The following PLK4 variants were observed in gnomAD, a reference collection of about 807,000 sequenced individuals.
PLK4 encodes serine/threonine-protein kinase PLK4.
In PLK4, 51 loss-of-function variants were observed where a neutral mutation model predicts 103.0. The ratio of observed to expected loss-of-function variants is 0.50; its 90% CI spans 0.40 to 0.63. The LOEUF (loss-of-function observed/expected upper bound fraction) is 0.63, where lower values mean the gene tolerates loss of function less well. Among genes scored for constraint, PLK4 ranks in the 20% least tolerant of loss-of-function variants. PLK4 has a pLI of 0.00. For synonymous variants in PLK4, 389 were observed against 376.8 expected, an observed-to-expected ratio of 1.03 and a Z score of -0.38; for missense variants, 1,054 against 1,151.0, an observed-to-expected ratio of 0.92 and a Z score of 1.22.
At position 127,892,471 on chromosome 4, in the gene PLK4, G is replaced by A; in HGVS notation, c.2145G>A (p.Met715Ile). Residue 715 changes from methionine (M) to isoleucine (I), a missense_variant, in exon 10 of 16, where the codon ATG (methionine) becomes ATA (isoleucine). Around this residue, in one of 4 missense-constraint regions of PLK4, gnomAD observed 680 missense variants for 660.3 expected, o/e 1.03. Transcript: ENST00000270861. ...CAAGATATGCTAAATGCATTTTGAT[G>A]GAGAATTCTCCTGGTGCTGATTTTG... ...YFTRYAKCIL[M>I]ENSPGADFEV... is the part of the protein sequence containing the mutation. 1.2e-6 allele frequency: 2 copies of A among 1,600,352 alleles called. No homozygotes were observed. Among genetic ancestry groups the A allele is most frequent in the African/African-American group, 1.4e-5 (1 of 73,696 alleles).
At chr4:127,889,331 A>C (rs1578759563) in intron 6 of PLK4, among the ~76,000 whole-genome samples, 1 of 152,176 alleles carries the variant, frequency 6.6e-6, no homozygotes, top group East Asian at 1.9e-4. Context: ...TTTTTAAAAA[A>C]TGCTGGTGCA....
chr4:127,882,535 G>A (rs1378827043), intron 2 of PLK4, among the ~76,000 whole-genome samples: 2 of 152,128 alleles, frequency 1.3e-5, no homozygotes, highest in Non-Finnish European at 1.5e-5. Flanking sequence ...CGAGGCGGGT[G>A]GATCACCTGA....
chr4:127,886,828 G>A, intron 5 of PLK4, 100 bp downstream of exon 5: 1 of 651,738 alleles, frequency 1.5e-6, no homozygotes, highest in Non-Finnish European at 2.5e-6. Context: ...GGAAATGAAT[G>A]TCTAAAAAAA....
intron 14 of PLK4, among the ~76,000 whole-genome samples, chr4:127,895,441 A>T (rs1735525672): frequency 7.5e-6 from 1 of 133,632 alleles, no homozygotes; most frequent in African/African-American, 2.9e-5. Context: ...CAATATTAGT[A>T]GAGTAACTTT....
intron 1 of PLK4, 35 bp downstream of exon 1, chr4:127,881,199 G>T (rs773939014): frequency 1.2e-6 from 2 of 1,613,626 alleles, no homozygotes; most frequent in East Asian, 2.2e-5. Flanking sequence ...CGGGGCGGGT[G>T]GGAGTAATTG....
In PLK4 at chr4:127,891,698, GGGAA is replaced by G; in HGVS notation, c.2038+18_2038+21del. On this transcript the variant is annotated intron_variant, in intron 9 of 15. Transcript: ENST00000270861. The stretch of plus-strand genomic sequence containing the variant: ...ATTTACCAGGTATGTGAATTTACCA[GGGAA>G]TAAATTTTGATAGTAGATTTATATG... 3 of 1,078,810 alleles carry G rather than the reference GGGAA, an allele frequency of 2.8e-6. No individual in the cohort carries two copies. Among genetic ancestry groups the G allele is most frequent in the Non-Finnish European group, 4.0e-6 (3 of 757,472 alleles). 66.8% of individuals were successfully genotyped at this position (1,078,810 alleles called of 1,614,324 possible).
Position 127,886,435 on chromosome 4 carries a change from T to C in PLK4, c.1065T>C (p.Ser355=), listed in dbSNP as rs781557540. Residue 355 remains serine (S), a synonymous_variant, in exon 5 of 16, where the codon AGT becomes AGC. Transcript: ENST00000270861. The stretch of plus-strand genomic sequence containing the variant: ...GGGGAAATCAAGAAACCAGTAATAG[T>C]GGAAGGGGAAGAGTAATTCAAGATG... ...TQWGNQETSN[S]GRGRVIQDAE... The C allele has an allele frequency of 6.2e-7, 1 of 1,613,888 alleles. No individual in the cohort carries two copies.
Position 127,890,063 on chromosome 4 carries a change from C to A in PLK4, c.1657C>A (p.Pro553Thr). The change falls in exon 7 of 16, where the codon CCT (proline) becomes ACT (threonine). Residue 553 changes from proline to threonine, a missense_variant. Coordinates refer to ENST00000270861, the MANE Select transcript of PLK4 (RefSeq NM_014264.5). ...MKYMTALHSKPEIIQQECVFG... is the reference protein window; with the variant it reads ...MKYMTALHSKTEIIQQECVFG... ...ATATATGACTGCACTTCACAGTAAA[C>A]CTGAGATAATCCAACAAGAATGTGT... is the stretch of plus-strand genomic sequence containing the variant. 1 of 1,613,924 alleles carries A rather than the reference C, an allele frequency of 6.2e-7. No homozygotes were observed. The highest frequency in any genetic ancestry group is 2.2e-5 in the East Asian group (1 of 44,880).
At chr4:127,892,597 ACAGT>A (rs905193581) in intron 10 of PLK4, 83 bp downstream of exon 10, 77 of 1,072,380 alleles carry the variant, frequency 7.2e-5, no homozygotes, top group East Asian at 4.3e-4. Flanking sequence ...AAAATTCAAC[ACAGT>A]CAGTTTTAAA....
At chr4:127,888,177 CAAAAAAAAAAAAAA>C (rs58491426) in intron 6 of PLK4, among the ~76,000 whole-genome samples, 149 of 33,214 alleles carry the variant, frequency 4.5e-3, no homozygotes, top group East Asian at 0.023. Context: ...TAGACTGTCT[CAAAAAAAAAAAAAA>C]AAAAAAAAAA....
Position 127,893,721 on chromosome 4 carries a change from T to A in PLK4, c.2415-13T>A. The A allele has an allele frequency of 1.2e-6, 2 of 1,604,184 alleles. No individual in the cohort carries two copies. The highest frequency in any genetic ancestry group is 1.7e-6 in the Non-Finnish European group (2 of 1,173,766). ...AAGCTTCAAGGGAATATATTTGGAC[T>A]TTTCCCCTTCAGAAAACCTGGTAGT... On this transcript the variant is annotated splice_polypyrimidine_tract_variant and intron_variant, in intron 12 of 15. Transcript: ENST00000270861.
In PLK4 at chr4:127,898,766, AC is replaced by A; in HGVS notation, c.*227del. On this transcript the variant is annotated 3_prime_UTR_variant, in exon 16 of 16. Transcript: ENST00000270861. ...ATAGAACACCTGACTTTGCTCTTAG[AC>A]CATAACCCCCGAACTTACTATGTTC... 1 of 388,494 alleles carries A rather than the reference AC, an allele frequency of 2.6e-6. No homozygotes were observed. The highest frequency in any genetic ancestry group is 2.1e-5 in the African/African-American group (1 of 48,212). The allele number at this position is 388,494 out of a possible 1,614,324, so 24.1% of individuals were successfully genotyped here.
chr4:127,881,356 G>A (rs1461674078), intron 1 of PLK4, 192 bp downstream of exon 1: 1 of 1,444,584 alleles, frequency 6.9e-7, no homozygotes, highest in Non-Finnish European at 9.1e-7. Context: ...GACAAGAGTA[G>A]GGAAGGCGGG....
intron 4 of PLK4, 133 bp from the exon 5 acceptor site, chr4:127,885,575 C>G (rs1292295616): frequency 4.6e-6 from 3 of 648,598 alleles, no homozygotes; most frequent in Non-Finnish European, 7.9e-6. Flanking sequence ...GCTGGTAAAT[C>G]TAAGCTCCAA....
chr4:127,894,843 G>T, intron 13 of PLK4, 110 bp from the exon 14 acceptor site: 1 of 686,058 alleles, frequency 1.5e-6, no homozygotes, highest in Non-Finnish European at 2.2e-6. Context: ...AAAAATGTTT[G>T]TTTTTAAAAA....
chr4:127,896,138 C>T (rs543665820), intron 14 of PLK4, among the ~76,000 whole-genome samples: 1 of 152,194 alleles, frequency 6.6e-6, no homozygotes, highest in South Asian at 2.1e-4. Flanking sequence ...AGTTTATCCC[C>T]CAAAATAACC....
rs1203850263 is a variant in PLK4, at chr4:127,881,107, C to T, written c.-28C>T. On this transcript the variant is annotated 5_prime_UTR_variant, in exon 1 of 16. Coordinates refer to ENST00000270861, the MANE Select transcript of PLK4 (RefSeq NM_014264.5). ...AGGGACTGCGTGAAGGAAGCTAATC[C>T]GGAGAACCCAGGCCAGAGCCTGGAA... 2 of 1,613,760 alleles carry T rather than the reference C, an allele frequency of 1.2e-6. No homozygotes were observed. Among genetic ancestry groups the T allele is most frequent in the Non-Finnish European group, 1.7e-6 (2 of 1,179,846 alleles).
Position 127,891,104 on chromosome 4 carries a change from G to A in PLK4, c.1843G>A (p.Asp615Asn). Residue 615 changes from aspartate (D) to asparagine (N), a missense_variant, in exon 8 of 16, where the codon GAT becomes AAT. Asp to Asn is a conservative substitution (Grantham distance 23, BLOSUM62 1). Coordinates refer to ENST00000270861, the MANE Select transcript of PLK4 (RefSeq NM_014264.5). ...TTTTTTTTTTTAGGTGAGCATACTT[G>A]ATTCAGAGGAGGTGTGTGTGGAGCT... ...KTKKAVVSIL[D>N]SEEVCVELVK... 2 of 1,512,500 alleles carry A rather than the reference G, an allele frequency of 1.3e-6. No homozygotes were observed. The highest frequency in any genetic ancestry group is 1.8e-6 in the Non-Finnish European group (2 of 1,107,962). 93.7% of individuals were successfully genotyped at this position (1,512,500 alleles called of 1,614,324 possible).
rs567729968 is a variant in PLK4 at position 127,891,283 on chromosome 4, G to A, written c.1935+87G>A. 2.7e-4 allele frequency: 180 copies of A among 677,428 alleles called. No individual in the cohort carries two copies. In the African/African-American group the frequency reaches 3.1e-3, roughly 12 times the overall value. The allele number at this position is 677,428 out of a possible 1,614,324, so 42.0% of individuals were successfully genotyped here. On this transcript the variant is annotated intron_variant, in intron 8 of 15. Coordinates refer to ENST00000270861, the MANE Select transcript of PLK4 (RefSeq NM_014264.5). ...TCTAATTCATTTTACAATGATGTAA[G>A]TTTTTTTAAAATCAGTTTGCCAGTA...
Sources: allele counts gnomAD v4.1 joint callset (sites outside exome capture counted in the v4.1 genomes callset), GRCh38; gene constraint gnomAD v4.1.1; regional missense constraint gnomAD v4.1.1; transcripts MANE v1.5; gene names NCBI Gene and HGNC (gene_info 2026-07-23, HGNC 2026-07-21).